The following DNAAF5 variants were observed in gnomAD, a reference collection of about 807,000 sequenced individuals.
DNAAF5 encodes the protein HEAT repeat containing 2.
Under a neutral mutation model 75.8 loss-of-function variants are expected in DNAAF5, and 64 were observed. The ratio of observed to expected loss-of-function variants is 0.84; its 90% CI spans 0.69 to 1.04. The LOEUF (loss-of-function observed/expected upper bound fraction) is 1.04. DNAAF5 is among the 50% of genes least tolerant of loss of function. DNAAF5 has a pLI of 0.00. For missense variants in DNAAF5, 1,269 were observed against 1,178.5 expected, an observed-to-expected ratio of 1.08 and a Z score of -1.12; for synonymous variants, 657 against 557.2, an observed-to-expected ratio of 1.18 and a Z score of -2.52.
At chr7:770,374 C>T (rs1778513277) in intron 8 of DNAAF5, 97 bp from the exon 9 acceptor site, 1 of 1,150,586 alleles carries the variant, frequency 8.7e-7, no homozygotes, top group Non-Finnish European at 1.2e-6. Context: ...ATAGTGCCCT[C>T]TCCCAGGTGG....
chr7:782,224 C>A lies in DNAAF5; in HGVS notation c.2431+2080C>A, dbSNP rs201104308. On this transcript the variant is annotated intron_variant, in intron 12 of 12. Transcript: ENST00000297440. ...GGATCTTCCTGGCGTGGCCGCCTCC[C>A]GTCGCGCGGCGTCAGAAACTCGGAT... Among the ~76,000 whole-genome samples, 694 of 150,326 alleles carry A rather than the reference C, an allele frequency of 4.6e-3. 7 individuals carry two copies. Among genetic ancestry groups the A allele is most frequent in the Non-Finnish European group, 4.5e-3 (302 of 67,280 alleles).
At chr7:785,440 A>C (rs1275696695) in intron 12 of DNAAF5, 77 bp from the exon 13 acceptor site, 34 of 1,547,968 alleles carry the variant, frequency 2.2e-5, no homozygotes, top group Non-Finnish European at 3.0e-5. Context: ...ACTTCACTAC[A>C]AAGCCAATTT....
intron 2 of DNAAF5, chr7:732,681 C>T (rs1319500191): frequency 4.4e-6 from 2 of 452,270 alleles, no homozygotes; most frequent in African/African-American, 2.0e-5. Flanking sequence ...TTTTAAATCG[C>T]GTTATTAGAT....
chr7:747,575 A>C (rs1782162317), intron 4 of DNAAF5, among the ~76,000 whole-genome samples: 1 of 147,234 alleles, frequency 6.8e-6, no homozygotes, highest in Non-Finnish European at 1.5e-5. Context: ...GCTGGTGTGC[A>C]GTGTTGTCAC....
chr7:734,645 G>C (rs548648647), intron 2 of DNAAF5, among the ~76,000 whole-genome samples: 1 of 152,226 alleles, frequency 6.6e-6, no homozygotes, highest in Non-Finnish European at 1.5e-5. Flanking sequence ...AGTTTGAGTA[G>C]GAGTGACATT....
rs771037656 is a variant in DNAAF5 at position 774,072 on chromosome 7, G to C, written c.1956G>C (p.Thr652=). ...SQGQFPSYLE[T]VTKDILAPNL... Reference sequence around the variant, plus strand: ...GGCAGTTTCCCAGCTACCTCGAGACGGTGACAAAGGACATCCTGGCCCCCA... The same window carrying C: ...GGCAGTTTCCCAGCTACCTCGAGACCGTGACAAAGGACATCCTGGCCCCCA... The change falls in exon 10 of 13, where the codon ACG becomes ACC. Residue 652 remains threonine (T), a synonymous_variant. Coordinates refer to ENST00000297440, the MANE Select transcript of DNAAF5 (RefSeq NM_017802.4). The C allele has an allele frequency of 3.7e-6, 6 of 1,614,020 alleles. No individual in the cohort carries two copies. Among genetic ancestry groups the C allele is most frequent in the Non-Finnish European group, 5.1e-6 (6 of 1,180,006 alleles).
chr7:763,066 G>T (rs1317118351), intron 7 of DNAAF5, among the ~76,000 whole-genome samples: 1 of 152,092 alleles, frequency 6.6e-6, no homozygotes, highest in South Asian at 2.1e-4. Flanking sequence ...TTCTCTCTCT[G>T]GGAGATTTAC....
In DNAAF5 at chr7:777,889, G is replaced by A. The variant is rs190705541; in HGVS notation, c.2240-2064G>A. Among the ~76,000 whole-genome samples the A allele has an allele frequency of 3.2e-3, 486 of 152,276 alleles. 4 individuals are homozygous for A. Among genetic ancestry groups the A allele is most frequent in the African/African-American group, 0.011 (459 of 41,544 alleles). Reference sequence around the variant, plus strand: ...CGGGGAGGGACGCGGGGCCTGGAGCGGGCAGAGGACACGGGATGGAGAGAG... The same window carrying A: ...CGGGGAGGGACGCGGGGCCTGGAGCAGGCAGAGGACACGGGATGGAGAGAG... On this transcript the variant is annotated intron_variant, in intron 11 of 12. Coordinates refer to ENST00000297440, the MANE Select transcript of DNAAF5 (RefSeq NM_017802.4).
At chr7:765,048 G>A (rs1038325283) in intron 8 of DNAAF5, among the ~76,000 whole-genome samples, 5 of 152,252 alleles carry the variant, frequency 3.3e-5, no homozygotes, top group Non-Finnish European at 5.9e-5. Context: ...TGGAGCCCAG[G>A]AGTTCGAAGC....
At chr7:777,191 A>G (rs1193414778) in intron 11 of DNAAF5, among the ~76,000 whole-genome samples, 1 of 152,152 alleles carries the variant, frequency 6.6e-6, no homozygotes, top group Non-Finnish European at 1.5e-5. Context: ...AACGTAACGC[A>G]CGTGACTCAT....
intron 8 of DNAAF5, 125 bp downstream of exon 8, chr7:764,099 A>G (rs927677738): frequency 1.0e-5 from 10 of 1,000,214 alleles, no homozygotes; most frequent in African/African-American, 1.6e-5. Flanking sequence ...GCGTGTTGTT[A>G]AAAGTACCCA....
rs2032124723 is a variant in DNAAF5, at chr7:727,192, G to A, written c.472G>A (p.Ala158Thr). 16 of 1,344,782 alleles carry A rather than the reference G, an allele frequency of 1.2e-5. No homozygotes were observed. The highest frequency in any genetic ancestry group is 3.1e-5 in the African/African-American group (2 of 65,048). 83.3% of individuals were successfully genotyped at this position (1,344,782 alleles called of 1,614,324 possible). ...LLGLAVDLCG[A>T]ALAPHLDDAL... ...GGGCCTGGCCGTGGACCTGTGCGGC[G>A]CCGCGCTCGCGCCCCACCTGGACGA... Residue 158 changes from alanine (A) to threonine (T), a missense_variant, in exon 1 of 13, where the codon GCC (alanine) becomes ACC (threonine). By Grantham distance (58) the Ala-to-Thr change is moderately conservative. Transcript: ENST00000297440.
rs537021216 is a variant in DNAAF5 at position 731,089 on chromosome 7, G to A, written c.780+1242G>A. 2.6e-5 allele frequency among the ~76,000 whole-genome samples: 4 copies of A among 152,154 alleles called. No homozygotes were observed. In the South Asian group the frequency reaches 8.3e-4, roughly 32 times the overall value. On this transcript the variant is annotated intron_variant, in intron 2 of 12. Coordinates refer to ENST00000297440, the MANE Select transcript of DNAAF5 (RefSeq NM_017802.4). ...AGCCCAGCAAGAAGTGCAGGCGGCCGGCTGGTTTTTCTCTCCCACCTTCCT... is the reference window on the plus strand; with the variant it reads ...AGCCCAGCAAGAAGTGCAGGCGGCCAGCTGGTTTTTCTCTCCCACCTTCCT...
chr7:727,503 C>T, intron 1 of DNAAF5, 188 bp downstream of exon 1: 1 of 309,458 alleles, frequency 3.2e-6, no homozygotes, highest in Non-Finnish European at 5.7e-6. Context: ...GCCCGGCCCC[C>T]TCCTCCCACC....
chr7:754,690 C>T lies in DNAAF5; in HGVS notation c.1126C>T (p.Arg376Ter), dbSNP rs773022886. The change falls in exon 5 of 13, where the codon CGA becomes TGA. Residue 376 changes from arginine to a stop codon, truncating the protein, a stop_gained. Transcript: ENST00000297440. LOFTEE classifies it high-confidence loss of function. The surrounding 1 kb of genome is among the most constrained non-coding windows in gnomAD (Gnocchi z 4.8). Reference protein sequence around the residue: ...HDITDWVVGTRVKSAQLLPVL... With the variant: ...HDITDWVVGT Reference sequence around the variant, plus strand: ...CATCACCGACTGGGTGGTGGGGACCCGAGTGAAGTCGGCACAGCTGCTCCC... The same window carrying T: ...CATCACCGACTGGGTGGTGGGGACCTGAGTGAAGTCGGCACAGCTGCTCCC... 7 of 1,614,058 alleles carry T rather than the reference C, an allele frequency of 4.3e-6. No homozygotes were observed. The highest frequency in any genetic ancestry group is 3.4e-6 in the Non-Finnish European group (4 of 1,180,032).
At position 753,707 on chromosome 7, in the gene DNAAF5, GTCTC is replaced by G. The variant is rs527477495; in HGVS notation, c.1025-877_1025-874del. Among the ~76,000 whole-genome samples, 177 of 147,690 alleles carry G rather than the reference GTCTC, an allele frequency of 1.2e-3. 2 individuals are homozygous for G. Among genetic ancestry groups the G allele is most frequent in the African/African-American group, 4.0e-3 (157 of 39,474 alleles). On this transcript the variant is annotated intron_variant, in intron 4 of 12. Coordinates refer to ENST00000297440, the MANE Select transcript of DNAAF5 (RefSeq NM_017802.4). Reference sequence around the variant, plus strand: ...CATATGGGGACGGCTTCGCAGGCGTGTCTCTCTCATATGGGGACGGCTTCGCAGG... The same window carrying G: ...CATATGGGGACGGCTTCGCAGGCGTGTCTCATATGGGGACGGCTTCGCAGG...
chr7:728,334 C>G (rs773462639), intron 1 of DNAAF5, among the ~76,000 whole-genome samples: 40 of 152,204 alleles, frequency 2.6e-4, no homozygotes, highest in Non-Finnish European at 5.0e-4. Context: ...CCAGCTCAGG[C>G]CGTCCCAGTG....
At chr7:770,664 G>T (rs1175506589) in intron 9 of DNAAF5, 46 bp downstream of exon 9, 4 of 1,588,318 alleles carry the variant, frequency 2.5e-6, no homozygotes, top group Admixed American at 1.7e-5. Flanking sequence ...TGGGGCCTGG[G>T]CCAGGGGTCC....
intron 5 of DNAAF5, 91 bp from the exon 6 acceptor site, chr7:756,691 G>T (rs1782495101): frequency 1.0e-5 from 12 of 1,155,458 alleles, no homozygotes; most frequent in Non-Finnish European, 1.4e-5. Context: ...CTGGTGCACG[G>T]CTGTGTCTGG....
Sources: allele counts gnomAD v4.1 joint callset (sites outside exome capture counted in the v4.1 genomes callset), GRCh38; gene constraint gnomAD v4.1.1; non-coding constraint Gnocchi (gnomAD v3.1); transcripts MANE v1.5; gene names NCBI Gene and HGNC (gene_info 2026-07-23, HGNC 2026-07-21).